The following SPTBN2 variants were observed in gnomAD, a reference collection of about 807,000 sequenced individuals.
SPTBN2 encodes spectrin beta, non-erythrocytic 2, also known as spectrin beta chain, non-erythrocytic 2.
A neutral mutation model predicts 284.2 loss-of-function variants in SPTBN2; 107 were observed. The observed-to-expected ratio is 0.38, with a 90% CI of 0.32 to 0.44. The LOEUF (loss-of-function observed/expected upper bound fraction) is 0.44. Among genes scored for constraint, SPTBN2 ranks in the 20% least tolerant of loss-of-function variants. The pLI is 1.00. For synonymous variants in SPTBN2, 1,289 were observed against 1,354.8 expected, an observed-to-expected ratio of 0.95 and a Z score of 1.07; for missense variants, 2,569 against 3,287.1, an observed-to-expected ratio of 0.78 and a Z score of 5.34.
chr11:66,703,232 A>T (rs932424102), intron 15 of SPTBN2, among the ~76,000 whole-genome samples: 13 of 151,460 alleles, frequency 8.6e-5, no homozygotes, highest in African/African-American at 2.9e-4. Flanking sequence ...GGCGCCTGCC[A>T]CCATGCCTGG....
chr11:66,741,815 G>T (rs138868119), intron 1 of SPTBN2, among the ~76,000 whole-genome samples: 1 of 151,940 alleles, frequency 6.6e-6, no homozygotes, highest in Non-Finnish European at 1.5e-5. Flanking sequence ...GCAAAAAACC[G>T]TTTTTAAAAT....
chr11:66,712,746 C>A (rs948911231), intron 8 of SPTBN2: 2 of 152,172 alleles, frequency 1.3e-5, no homozygotes, highest in Admixed American at 1.3e-4. Context: ...GTTGCCCAAG[C>A]TGGAGTACTG....
Position 66,705,341 on chromosome 11 carries a change from A to T in SPTBN2, c.1935T>A (p.Arg645=). 6.2e-7 allele frequency: 1 copy of T among 1,610,762 alleles called. No homozygotes were observed. The highest frequency in any genetic ancestry group is 8.5e-7 in the Non-Finnish European group (1 of 1,179,700). Residue 645 remains arginine, a synonymous_variant, in exon 15 of 38, where the codon CGT becomes CGA. Transcript: ENST00000533211. ...CAGCTTCACCCACCTCCCAGAGGAAACGCCAGAGCCGCCGTGATTCCTCCA... is the reference window on the plus strand; with the variant it reads ...CAGCTTCACCCACCTCCCAGAGGAATCGCCAGAGCCGCCGTGATTCCTCCA... ...ARLEESRRLW[R]FLWEVGEAEA... is the part of the protein sequence containing the mutation.
chr11:66,686,031 TCAGGCTCTC>T lies in SPTBN2; in HGVS notation c.7004_7012del (p.Gly2335_Pro2337del), dbSNP rs1365371309. 3.0e-5 allele frequency: 49 copies of T among 1,613,662 alleles called. No individual in the cohort carries two copies. The highest frequency in any genetic ancestry group is 4.2e-5 in the Non-Finnish European group (49 of 1,180,002). ...GGTGGTGCTGGGCACCACCGGCTCTTCAGGCTCTCCAGAGGCAGAAGACGCTGTGGCAAT... is the reference window on the plus strand; with the variant it reads ...GGTGGTGCTGGGCACCACCGGCTCTTCAGAGGCAGAAGACGCTGTGGCAAT... On this transcript the variant is annotated inframe_deletion, in exon 38 of 38. Transcript: ENST00000533211.
At position 66,707,958 on chromosome 11, in the gene SPTBN2, C is replaced by A; in HGVS notation, c.1351-140G>T. On this transcript the variant is annotated intron_variant, in intron 12 of 37. Transcript: ENST00000533211. The surrounding 1 kb of genome is among the most constrained non-coding windows in gnomAD (Gnocchi z 4.9). ...AGTTCCCTCTCTATCCCACCCCCAT[C>A]CTGTCTCACCAACCCTCTCTCCTGT... The A allele has an allele frequency of 7.2e-7, 1 of 1,379,382 alleles. No individual in the cohort carries two copies. The highest frequency in any genetic ancestry group is 9.9e-7 in the Non-Finnish European group (1 of 1,008,474). The allele number at this position is 1,379,382 out of a possible 1,614,324, so 85.4% of individuals were successfully genotyped here.
chr11:66,743,506 C>A (rs1942917823), intron 1 of SPTBN2, among the ~76,000 whole-genome samples: 1 of 152,192 alleles, frequency 6.6e-6, no homozygotes, highest in Non-Finnish European at 1.5e-5. Flanking sequence ...CAACTCTTTG[C>A]CAGGCAGGAA....
chr11:66,708,258 C>A lies in SPTBN2; in HGVS notation c.1233G>T (p.Leu411=). ...GGCGGATGAGCTCGGTGCGCAGGGC[C>A]AGCTCACGCTCGTGCTCCGCCTTCT... ...RLEKAEHERE[L]ALRTELIRQE... The change falls in exon 12 of 38, where the codon CTG becomes CTT. Residue 411 remains leucine (L), a synonymous_variant. Coordinates refer to ENST00000533211, the MANE Select transcript of SPTBN2 (RefSeq NM_006946.4). The surrounding 1 kb of genome is among the most constrained non-coding windows in gnomAD (Gnocchi z 4.4). The A allele has an allele frequency of 6.2e-7, 1 of 1,607,954 alleles. No homozygotes were observed. The highest frequency in any genetic ancestry group is 8.5e-7 in the Non-Finnish European group (1 of 1,176,394).
Position 66,692,787 on chromosome 11 carries a change from C to T in SPTBN2, c.4986-47G>A, listed in dbSNP as rs772302919. The stretch of plus-strand genomic sequence containing the variant: ...CACTGTGGGACTTAGGGGTGTAGCT[C>T]TGACCTCCGGTCTGTTCTGTGGAGC... On this transcript the variant is annotated intron_variant, in intron 25 of 37. Transcript: ENST00000533211. 5 of 1,599,012 alleles carry T rather than the reference C, an allele frequency of 3.1e-6. No individual in the cohort carries two copies. In the South Asian group the frequency reaches 5.5e-5, roughly 18 times the overall value.
intron 1 of SPTBN2, among the ~76,000 whole-genome samples, chr11:66,739,101 C>T (rs1241949471): frequency 2.0e-5 from 3 of 151,572 alleles, no homozygotes; most frequent in African/African-American, 2.4e-5. Flanking sequence ...GCCAACGTGC[C>T]GGGCCTAAGT....
At chr11:66,692,908 C>A (rs1357020911) in intron 25 of SPTBN2, 62 bp downstream of exon 25, 12 of 1,597,866 alleles carry the variant, frequency 7.5e-6, no homozygotes, top group Non-Finnish European at 1.0e-5. Flanking sequence ...ACATTCCCTG[C>A]ACCTTCCTGT....
chr11:66,688,455 AC>A, intron 31 of SPTBN2, 144 bp from the exon 32 acceptor site: 1 of 1,523,148 alleles, frequency 6.6e-7, no homozygotes, highest in Non-Finnish European at 8.8e-7. Context: ...GGGACAAGAA[AC>A]AAAGCGGGAG....
chr11:66,692,682 G>C lies in SPTBN2; in HGVS notation c.5044C>G (p.Leu1682Val). 1 of 1,605,046 alleles carries C rather than the reference G, an allele frequency of 6.2e-7. No individual in the cohort carries two copies. The highest frequency in any genetic ancestry group is 8.5e-7 in the Non-Finnish European group (1 of 1,179,958). Residue 1682 changes from leucine to valine, a missense_variant, in exon 26 of 38, where the codon CTG becomes GTG. Physicochemically the swap from Leu to Val is conservative, Grantham distance 32. Coordinates refer to ENST00000533211, the MANE Select transcript of SPTBN2 (RefSeq NM_006946.4). ...AGGCGCTCCCGCCGCTCTCCAGCCA[G>C]CTCCTTCAGGCCGGCATACAGCTTG... ...VDKLYAGLKE[L>V]AGERRERLQE...
At chr11:66,696,845 C>A (rs543896339) in intron 20 of SPTBN2, among the ~76,000 whole-genome samples, 149 of 152,316 alleles carry the variant, frequency 9.8e-4, no homozygotes, top group Admixed American at 6.5e-4. Flanking sequence ...CACCACACTG[C>A]ACATTGACTT....
At position 66,688,806 on chromosome 11, in the gene SPTBN2, C is replaced by T; in HGVS notation, c.6078G>A (p.Glu2026=). The change falls in exon 31 of 38, where the codon GAG becomes GAA. Residue 2026 remains glutamate, a synonymous_variant. Transcript: ENST00000533211. ...LVFGRDAGMA[E]AWLCSQEPLV... is the part of the protein sequence containing the mutation. ...GTGGCTCCTGGCTGCAGAGCCAGGCCTCTGCCATCCCTGCATCTCTTCCAA... is the reference window on the plus strand; with the variant it reads ...GTGGCTCCTGGCTGCAGAGCCAGGCTTCTGCCATCCCTGCATCTCTTCCAA... 6.2e-7 allele frequency: 1 copy of T among 1,612,822 alleles called. No individual in the cohort carries two copies. The highest frequency in any genetic ancestry group is 8.5e-7 in the Non-Finnish European group (1 of 1,180,012).
chr11:66,723,822 A>T (rs1037632895), intron 1 of SPTBN2, among the ~76,000 whole-genome samples: 3 of 152,176 alleles, frequency 2.0e-5, no homozygotes, highest in African/African-American at 7.2e-5. Context: ...GACCTGAACT[A>T]GCGTCACCTA....
At chr11:66,738,186 G>T (rs1168186017) in intron 1 of SPTBN2, among the ~76,000 whole-genome samples, 1 of 152,094 alleles carries the variant, frequency 6.6e-6, no homozygotes, top group East Asian at 1.9e-4. Context: ...CTGTACTCCA[G>T]CTTGGGCAAT....
intron 18 of SPTBN2, 108 bp from the exon 19 acceptor site, chr11:66,699,190 G>T: frequency 7.1e-7 from 1 of 1,405,364 alleles, no homozygotes; most frequent in Non-Finnish European, 9.9e-7. Flanking sequence ...CGCCTTCCGG[G>T]AGCACAATGA....
chr11:66,701,104 G>A lies in SPTBN2; in HGVS notation c.2995C>T (p.Arg999Cys), dbSNP rs775043786. Reference protein sequence around the residue: ...NDLAGVLALQRKLAGTERDLE... With the variant: ...NDLAGVLALQCKLAGTERDLE... The stretch of plus-strand genomic sequence containing the variant: ...TCCCGCTCCGTGCCGGCCAGCTTGC[G>A]CTGCAGGGCCAGCACCCCAGCCAGA... Residue 999 changes from arginine to cysteine, a missense_variant, in exon 17 of 38, where the codon CGC becomes TGC. By Grantham distance (180) the Arg-to-Cys change is radical. Around this residue, in one of 6 missense-constraint regions of SPTBN2, gnomAD observed 1,012 missense variants for 1,248.9 expected, o/e 0.81. Coordinates refer to ENST00000533211, the MANE Select transcript of SPTBN2 (RefSeq NM_006946.4). The A allele has an allele frequency of 5.0e-6, 8 of 1,612,854 alleles. 1 individual carries two copies. Among genetic ancestry groups the A allele is most frequent in the East Asian group, 2.2e-5 (1 of 44,886 alleles).
chr11:66,685,728 A>G lies in SPTBN2; in HGVS notation c.*143T>C. 1 of 762,426 alleles carries G rather than the reference A, an allele frequency of 1.3e-6. No individual in the cohort carries two copies. Among genetic ancestry groups the G allele is most frequent in the Non-Finnish European group, 2.3e-6 (1 of 441,736 alleles). The allele number at this position is 762,426 out of a possible 1,614,324, so 47.2% of individuals were successfully genotyped here. A position where few individuals can be genotyped will look rare whatever the true frequency, so the allele number is the denominator to read the frequency against. On this transcript the variant is annotated 3_prime_UTR_variant, in exon 38 of 38. Transcript: ENST00000533211. This position sits in a 1 kb window ranked among gnomAD's most constrained non-coding sequence, Gnocchi z 4.4. ...CCCTTGGGAACATGGACTCGTCCCC[A>G]GTGACAGTTCCTGGTGATGGGTTGA...
Sources: allele counts gnomAD v4.1 joint callset (sites outside exome capture counted in the v4.1 genomes callset), GRCh38; gene constraint gnomAD v4.1.1; regional missense constraint gnomAD v4.1.1; non-coding constraint Gnocchi (gnomAD v3.1); transcripts MANE v1.5; gene names NCBI Gene and HGNC (gene_info 2026-07-23, HGNC 2026-07-21).